BAHCC1: variants seen among roughly 807,000 people sequenced by gnomAD.
The protein encoded by BAHCC1 is BAH and coiled-coil domain-containing protein 1.
BAHCC1 carries 43 observed loss-of-function variants against 88.2 expected under a neutral mutation model. That is an observed-to-expected ratio of 0.49 (90% CI 0.38 to 0.63). BAHCC1 has a LOEUF of 0.63. BAHCC1 is among the 20% of genes least tolerant of loss of function. BAHCC1 has a pLI of 0.00. For synonymous variants in BAHCC1, 1,510 were observed against 745.5 expected (o/e 2.03, Z -16.71); for missense variants, 3,023 against 1,654.8 (o/e 1.83, Z -14.34).
Position 81,463,769 on chromosome 17 carries a change from C to A in BAHCC1, c.7779C>A (p.Pro2593=). The A allele has an allele frequency of 1.3e-6, 1 of 768,202 alleles. No individual in the cohort carries two copies. 47.6% of individuals were successfully genotyped at this position (768,202 alleles called of 1,614,324 possible). ...DLYYLAGTYD[P]TTGRLVTADG... is the part of the protein sequence containing the mutation. ...ACTACCTGGCGGGCACCTACGACCC[C>A]ACCACCGGGCGCCTGGTGACGGCTG... Residue 2593 remains proline (P), a synonymous_variant, in exon 28 of 28, where the codon CCC becomes CCA. Transcript: ENST00000675386.
chr17:81,398,435 C>T (rs1373081383), intron 1 of BAHCC1, among the ~76,000 whole-genome samples: 1 of 152,230 alleles, frequency 6.6e-6, no homozygotes, highest in East Asian at 1.9e-4. Flanking sequence ...GCCGGGCCCA[C>T]CTTCCCCGGC....
At chr17:81,427,405 G>A (rs906126826) in intron 3 of BAHCC1, among the ~76,000 whole-genome samples, 4 of 152,156 alleles carry the variant, frequency 2.6e-5, no homozygotes, top group Non-Finnish European at 4.4e-5. Context: ...AGCTGTCAGC[G>A]CACACAGGCT....
chr17:81,435,299 C>T lies in BAHCC1; in HGVS notation c.359-3071C>T, dbSNP rs1288696871. ...TTACTAACCCATCAGGTGCCTGTGG[C>T]TTTGAGCCTCTGTCTCCTGCAGTCT... On this transcript the variant is annotated intron_variant, in intron 3 of 27. Transcript: ENST00000675386. The surrounding 1 kb of genome is among the most constrained non-coding windows in gnomAD (Gnocchi z 4.4). 8.1e-6 allele frequency: 3 copies of T among 371,214 alleles called. No homozygotes were observed. The highest frequency in any genetic ancestry group is 1.6e-5 in the Non-Finnish European group (3 of 183,160). The allele number at this position is 371,214 out of a possible 1,614,324, so 23.0% of individuals were successfully genotyped here. A position where few individuals can be genotyped will look rare whatever the true frequency, so the allele number is the denominator to read the frequency against.
chr17:81,457,943 A>G (rs1343415984), intron 17 of BAHCC1, among the ~76,000 whole-genome samples: 4 of 61,936 alleles, frequency 6.5e-5, no homozygotes, highest in African/African-American at 2.0e-4. Flanking sequence ...GAGGGAGGGC[A>G]GGGGTTGCTG....
At chr17:81,402,315 T>C (rs781933797) in intron 2 of BAHCC1, 6 of 152,190 alleles carry the variant, frequency 3.9e-5, no homozygotes, top group Non-Finnish European at 5.9e-5. Context: ...CCTTTTGAAA[T>C]TGTTAAGAGC....
intron 27 of BAHCC1, 63 bp downstream of exon 27, chr17:81,463,039 C>T (rs2030438904): frequency 5.5e-6 from 4 of 729,226 alleles, no homozygotes; most frequent in Admixed American, 1.9e-5. Flanking sequence ...GACACGACAG[C>T]AGCCAGCACT....
At chr17:81,437,111 T>C (rs1482167328) in intron 3 of BAHCC1, among the ~76,000 whole-genome samples, 1 of 152,168 alleles carries the variant, frequency 6.6e-6, no homozygotes, top group African/African-American at 2.4e-5. Context: ...GGGCCTGTTT[T>C]CCAGGGAAGA....
At position 81,444,361 on chromosome 17, in the gene BAHCC1, C is replaced by T. The variant is rs1192049705; in HGVS notation, c.2325-20C>T. The T allele has an allele frequency of 2.8e-6, 2 of 723,210 alleles. No homozygotes were observed. The highest frequency in any genetic ancestry group is 5.1e-6 in the Non-Finnish European group (2 of 391,254). The allele number at this position is 723,210 out of a possible 1,614,324, so 44.8% of individuals were successfully genotyped here. A position where few individuals can be genotyped will look rare whatever the true frequency, so the allele number is the denominator to read the frequency against. ...CTGGGCCTTGGCGCCGGCGGCAGGG[C>T]TGAGCCCCAGGTCTTACAGGGACAG... On this transcript the variant is annotated intron_variant, in intron 6 of 27. Coordinates refer to ENST00000675386, the MANE Select transcript of BAHCC1 (RefSeq NM_001377448.1).
At chr17:81,431,000 G>C (rs2064254278) in intron 3 of BAHCC1, among the ~76,000 whole-genome samples, 1 of 140,842 alleles carries the variant, frequency 7.1e-6, no homozygotes. Context: ...TGGGGGTGGA[G>C]GGGACAGCGT....
At position 81,442,425 on chromosome 17, in the gene BAHCC1, C is replaced by T. The variant is rs963933710; in HGVS notation, c.1076C>T (p.Thr359Ile). Residue 359 changes from threonine (T) to isoleucine (I), a missense_variant, in exon 5 of 28, where the codon ACA (threonine) becomes ATA (isoleucine). Physicochemically the swap from Thr to Ile is moderately conservative, Grantham distance 89. Coordinates refer to ENST00000675386, the MANE Select transcript of BAHCC1 (RefSeq NM_001377448.1). ...SYAGPPPPLS[T>I]AAGSFPCLQL... ...GCCGGGCCACCCCCGCCCCTCAGCA[C>T]AGCCGCCGGCTCCTTCCCCTGCCTG... The T allele has an allele frequency of 2.8e-6, 2 of 704,656 alleles. No individual in the cohort carries two copies. The highest frequency in any genetic ancestry group is 5.3e-6 in the Non-Finnish European group (2 of 380,264). The allele number at this position is 704,656 out of a possible 1,614,324, so 43.7% of individuals were successfully genotyped here. A position where few individuals can be genotyped will look rare whatever the true frequency, so the allele number is the denominator to read the frequency against.
At chr17:81,403,445 C>T (rs1168864175) in intron 2 of BAHCC1, among the ~76,000 whole-genome samples, 1 of 150,572 alleles carries the variant, frequency 6.6e-6, no homozygotes, top group Non-Finnish European at 1.5e-5. Context: ...CAAACTACTT[C>T]TTTCCTGCTG....
rs782127307 is a variant in BAHCC1, at chr17:81,444,627, C to G, written c.2513-41C>G. 1.6e-5 allele frequency: 12 copies of G among 759,750 alleles called. No homozygotes were observed. In the South Asian group the frequency reaches 1.6e-4, roughly 10 times the overall value. The allele number at this position is 759,750 out of a possible 1,614,324, so 47.1% of individuals were successfully genotyped here. A position where few individuals can be genotyped will look rare whatever the true frequency, so the allele number is the denominator to read the frequency against. On this transcript the variant is annotated intron_variant, in intron 7 of 27. Coordinates refer to ENST00000675386, the MANE Select transcript of BAHCC1 (RefSeq NM_001377448.1). ...CTGATGAGGGTTCCCTCCTGGTCCC[C>G]GAGAGTGCGAGGCCTGACCACTGTG...
Position 81,464,192 on chromosome 17 carries a change from A to G in BAHCC1, c.*375A>G. ...AAAGCAGAAATCAGGTGTGTTGTCT[A>G]TTTATTTCTCTATGTAAATATTGTA... On this transcript the variant is annotated 3_prime_UTR_variant, in exon 28 of 28. Coordinates refer to ENST00000675386, the MANE Select transcript of BAHCC1 (RefSeq NM_001377448.1). The G allele has an allele frequency of 3.1e-6, 1 of 317,766 alleles. No individual in the cohort carries two copies. Among genetic ancestry groups the G allele is most frequent in the Admixed American group, 4.5e-5 (1 of 22,352 alleles). 19.7% of individuals were successfully genotyped at this position (317,766 alleles called of 1,614,324 possible).
rs1555659611 is a variant in BAHCC1 at position 81,461,903 on chromosome 17, C to T, written c.7240C>T (p.Leu2414Phe). The T allele has an allele frequency of 4.1e-6, 3 of 740,664 alleles. No individual in the cohort carries two copies. The Admixed American group carries it at 5.7e-5, about 14-fold the overall frequency. 45.9% of individuals were successfully genotyped at this position (740,664 alleles called of 1,614,324 possible). ...CCCCAGCAGCAGCAGCAAATCCAAG[C>T]TCAAGCGCAAAGAGGCCCTGAGCTT... ...SGPSSSSKSK[L>F]KRKEALSFSK... The change falls in exon 26 of 28, where the codon CTC becomes TTC. Residue 2414 changes from leucine (L) to phenylalanine (F), a missense_variant. Transcript: ENST00000675386.
intron 2 of BAHCC1, among the ~76,000 whole-genome samples, chr17:81,417,156 C>T (rs920947089): frequency 1.3e-5 from 2 of 152,156 alleles, no homozygotes; most frequent in Admixed American, 6.5e-5. Flanking sequence ...GGTGTGCGTG[C>T]GTGTGCCCCT....
rs782315551 is a variant in BAHCC1 at position 81,447,221 on chromosome 17, C to T, written c.3349C>T (p.Pro1117Ser). The part of the protein sequence containing the change: ...PPCSPRSLEE[P>S]GLLSGAREAT... ...CTGCAGCCCCAGGAGCCTGGAGGAGCCCGGGCTGCTCTCAGGGGCCAGGGA... is the reference window on the plus strand; with the variant it reads ...CTGCAGCCCCAGGAGCCTGGAGGAGTCCGGGCTGCTCTCAGGGGCCAGGGA... Residue 1117 changes from proline to serine, a missense_variant, in exon 11 of 28, where the codon CCC becomes TCC. Coordinates refer to ENST00000675386, the MANE Select transcript of BAHCC1 (RefSeq NM_001377448.1). The T allele has an allele frequency of 4.0e-5, 30 of 742,406 alleles. 1 individual carries two copies. In the South Asian group the frequency reaches 4.1e-4, roughly 10 times the overall value. The allele number at this position is 742,406 out of a possible 1,614,324, so 46.0% of individuals were successfully genotyped here. A position where few individuals can be genotyped will look rare whatever the true frequency, so the allele number is the denominator to read the frequency against.
chr17:81,420,053 T>C (rs2064097485), intron 2 of BAHCC1, among the ~76,000 whole-genome samples: 1 of 152,092 alleles, frequency 6.6e-6, no homozygotes, highest in Non-Finnish European at 1.5e-5. Context: ...GCCTCTGCTG[T>C]GTGGGTCCTC....
At position 81,435,113 on chromosome 17, in the gene BAHCC1, A is replaced by C. The variant is rs1018670504; in HGVS notation, c.359-3257A>C. Among the ~76,000 whole-genome samples, 3 of 149,524 alleles carry C rather than the reference A, an allele frequency of 2.0e-5. No homozygotes were observed. The highest frequency in any genetic ancestry group is 4.5e-5 in the Non-Finnish European group (3 of 67,262). ...TGCCCCAGGGGCACCCCCGACCCCC[A>C]CTGACTGCCCACTCTCTCTCCTCCT... On this transcript the variant is annotated intron_variant, in intron 3 of 27. Transcript: ENST00000675386. This position sits in a 1 kb window ranked among gnomAD's most constrained non-coding sequence, Gnocchi z 4.4.
chr17:81,459,057 G>T lies in BAHCC1; in HGVS notation c.5609G>T (p.Arg1870Leu). Residue 1870 changes from arginine (R) to leucine (L), a missense_variant, in exon 21 of 28, where the codon CGC becomes CTC. Physicochemically the swap from Arg to Leu is moderately radical, Grantham distance 102 (BLOSUM62 -2). Transcript: ENST00000675386. ...CGCTGACACCTTGTGCCCACAGCGC[G>T]CTCGTGTGCCATCCACAAGGAGGAC... ...LSAEQSAALARSCAIHKEDLR... is the reference protein window; with the variant it reads ...LSAEQSAALALSCAIHKEDLR... 1.3e-6 allele frequency: 1 copy of T among 757,610 alleles called. No individual in the cohort carries two copies. Among genetic ancestry groups the T allele is most frequent in the Admixed American group, 1.8e-5 (1 of 56,402 alleles). 46.9% of individuals were successfully genotyped at this position (757,610 alleles called of 1,614,324 possible).
Sources: allele counts gnomAD v4.1 joint callset (sites outside exome capture counted in the v4.1 genomes callset), GRCh38; gene constraint gnomAD v4.1.1; non-coding constraint Gnocchi (gnomAD v3.1); transcripts MANE v1.5; gene names NCBI Gene and HGNC (gene_info 2026-07-23, HGNC 2026-07-21).